Variants in M1AP observed in about 807,000 individuals in gnomAD.
The protein encoded by M1AP is meiosis 1 associated protein.
A neutral mutation model predicts 51.2 loss-of-function variants in M1AP; 39 were observed. The ratio of observed to expected loss-of-function variants is 0.76; its 90% CI spans 0.59 to 1.00. The LOEUF (loss-of-function observed/expected upper bound fraction) is 1.00. Ranked by LOEUF, M1AP falls within the 50% of genes least tolerant of loss-of-function variation. The pLI is 0.00. For missense variants in M1AP, 545 were observed against 641.2 expected, an observed-to-expected ratio of 0.85 and a Z score of 1.62; for synonymous variants, 251 against 249.2, an observed-to-expected ratio of 1.01 and a Z score of -0.07.
At position 74,583,626 on chromosome 2, in the gene M1AP, T is replaced by C. The variant is rs1347186743; in HGVS notation, c.596-1779A>G. On this transcript the variant is annotated intron_variant, in intron 4 of 10. Coordinates refer to ENST00000421985, the MANE Select transcript of M1AP (RefSeq NM_001321739.2). ...TCATCAGGAGGGATCTCTGAAATACTTTTACAAAGGGCCTAAGAAAAGCCA... is the reference window on the plus strand; with the variant it reads ...TCATCAGGAGGGATCTCTGAAATACCTTTACAAAGGGCCTAAGAAAAGCCA... Among the ~76,000 whole-genome samples the C allele has an allele frequency of 5.9e-5, 9 of 152,308 alleles. No individual in the cohort carries two copies. In the South Asian group the frequency reaches 1.9e-3, roughly 32 times the overall value.
intron 4 of M1AP, among the ~76,000 whole-genome samples, chr2:74,582,996 G>A (rs1463808166): frequency 1.3e-5 from 2 of 151,872 alleles, no homozygotes; most frequent in Non-Finnish European, 2.9e-5. Context: ...ATTCCAGCCT[G>A]GGCAACTCCA....
rs1681591445 is a variant in M1AP at position 74,615,143 on chromosome 2, T to C, written c.247A>G (p.Lys83Glu). The C allele has an allele frequency of 6.2e-7, 1 of 1,614,038 alleles. No individual in the cohort carries two copies. ...HECILPFVQV[K>E]GNFARLQTCI... ...GTCTGCAACCTAGCAAAGTTCCCTT[T>C]CACTTGCTGCAGAGAAAAACGAATC... Residue 83 changes from lysine (K) to glutamate (E), a missense_variant, in exon 3 of 11, where the codon AAA becomes GAA. Coordinates refer to ENST00000421985, the MANE Select transcript of M1AP (RefSeq NM_001321739.2).
intron 4 of M1AP, among the ~76,000 whole-genome samples, chr2:74,583,290 T>C (rs1261886662): frequency 1.3e-5 from 2 of 152,242 alleles, no homozygotes; most frequent in East Asian, 3.9e-4. Flanking sequence ...CCCCTTATAG[T>C]AGAGAACCAA....
chr2:74,579,322 C>T (rs1558657045), intron 5 of M1AP, among the ~76,000 whole-genome samples: 1 of 152,126 alleles, frequency 6.6e-6, no homozygotes, highest in Non-Finnish European at 1.5e-5. Flanking sequence ...ATCTCTAGCC[C>T]CTTTGTTCAG....
chr2:74,581,856 G>C lies in M1AP; in HGVS notation c.596-9C>G. On this transcript the variant is annotated splice_polypyrimidine_tract_variant and intron_variant, in intron 4 of 10. Transcript: ENST00000421985. ...TCCCAGAATAGAACTCTCTGCAAAAGAAAGGGAAATAAAGTGTTCACTTAG... is the reference window on the plus strand; with the variant it reads ...TCCCAGAATAGAACTCTCTGCAAAACAAAGGGAAATAAAGTGTTCACTTAG... 12 of 1,605,968 alleles carry C rather than the reference G, an allele frequency of 7.5e-6. No homozygotes were observed. Among genetic ancestry groups the C allele is most frequent in the Non-Finnish European group, 1.0e-5 (12 of 1,174,460 alleles).
chr2:74,638,455 G>C (rs1683108417), intron 2 of M1AP, among the ~76,000 whole-genome samples: 1 of 152,138 alleles, frequency 6.6e-6, no homozygotes, highest in Non-Finnish European at 1.5e-5. Flanking sequence ...TCAGCTTGCT[G>C]TTATTCTATC....
intron 4 of M1AP, among the ~76,000 whole-genome samples, chr2:74,596,869 G>T (rs1325922982): frequency 2.0e-5 from 3 of 152,142 alleles, no homozygotes; most frequent in South Asian, 2.1e-4. Context: ...AACACAAAAG[G>T]TGTGTGTACT....
chr2:74,565,825 T>TCACACACACACACA (rs72206117), intron 7 of M1AP, among the ~76,000 whole-genome samples: 37 of 138,094 alleles, frequency 2.7e-4, no homozygotes, highest in East Asian at 1.8e-3. Flanking sequence ...TGAGATGCCG[T>TCACACACACACACA]CACACACACA....
In M1AP at chr2:74,647,408, T is replaced by C. The variant is rs1466143798; in HGVS notation, c.-53+857A>G. ...ATAAACGATTCAATGGTTCTCCCTCTGGCAGGGCCCTATTAAAGATTTCGT... is the reference window on the plus strand; with the variant it reads ...ATAAACGATTCAATGGTTCTCCCTCCGGCAGGGCCCTATTAAAGATTTCGT... On this transcript the variant is annotated intron_variant, in intron 1 of 10. Transcript: ENST00000421985. 16 of 985,248 alleles carry C rather than the reference T, an allele frequency of 1.6e-5. No homozygotes were observed. In the South Asian group the frequency reaches 5.2e-4, roughly 32 times the overall value. The allele number at this position is 985,248 out of a possible 1,614,324, so 61.0% of individuals were successfully genotyped here.
intron 1 of M1AP, among the ~76,000 whole-genome samples, chr2:74,643,405 C>T (rs1417946655): frequency 6.6e-6 from 1 of 152,024 alleles, no homozygotes; most frequent in Non-Finnish European, 1.5e-5. Flanking sequence ...ATGATTTCAT[C>T]TACATTTTAA....
At chr2:74,643,590 C>CTTTT (rs1161305967) in intron 1 of M1AP, among the ~76,000 whole-genome samples, 1 of 130,094 alleles carries the variant, frequency 7.7e-6, no homozygotes, top group African/African-American at 2.8e-5. Flanking sequence ...TGGTAATGTT[C>CTTTT]TTTTTTTTTT....
At chr2:74,620,100 A>C (rs1681915731) in intron 2 of M1AP, among the ~76,000 whole-genome samples, 1 of 152,176 alleles carries the variant, frequency 6.6e-6, no homozygotes, top group Non-Finnish European at 1.5e-5. Flanking sequence ...TTCCTTGTTC[A>C]GTTAAGTTTC....
chr2:74,587,286 C>T (rs1679770219), intron 4 of M1AP, among the ~76,000 whole-genome samples: 1 of 151,920 alleles, frequency 6.6e-6, no homozygotes, highest in South Asian at 2.1e-4. Context: ...GCAAGCTCCA[C>T]CTCCCGGGTT....
intron 4 of M1AP, among the ~76,000 whole-genome samples, chr2:74,584,805 C>CATATATATATAT (rs57709358): frequency 1.8e-4 from 25 of 139,290 alleles, no homozygotes; most frequent in African/African-American, 6.1e-4. Context: ...ATGTTATTGC[C>CATATATATATAT]ATATATATAT....
chr2:74,588,560 A>G (rs894485907), intron 4 of M1AP, among the ~76,000 whole-genome samples: 1 of 152,240 alleles, frequency 6.6e-6, no homozygotes, highest in Non-Finnish European at 1.5e-5. Context: ...ACGGTGAGGC[A>G]GTCAAGCTTG....
intron 6 of M1AP, among the ~76,000 whole-genome samples, chr2:74,576,137 C>T (rs1679052714): frequency 6.6e-6 from 1 of 152,224 alleles, no homozygotes; most frequent in Non-Finnish European, 1.5e-5. Flanking sequence ...GGATCTCTGT[C>T]TTGATGCCTA....
intron 1 of M1AP, 21 bp downstream of exon 1, chr2:74,648,244 C>G (rs1159375529): frequency 1.0e-6 from 1 of 981,248 alleles, no homozygotes; most frequent in African/African-American, 1.7e-5. Flanking sequence ...CCCTCCCTCC[C>G]CGAGGCGTGG....
chr2:74,599,516 C>T (rs1680548854), intron 4 of M1AP, among the ~76,000 whole-genome samples: 1 of 152,040 alleles, frequency 6.6e-6, no homozygotes, highest in Admixed American at 6.6e-5. Context: ...TAAATCCACC[C>T]TTTTCACACT....
intron 4 of M1AP, among the ~76,000 whole-genome samples, chr2:74,591,072 T>A (rs1480380180): frequency 6.6e-6 from 1 of 152,192 alleles, no homozygotes; most frequent in Non-Finnish European, 1.5e-5. Flanking sequence ...TAATGACACT[T>A]GACTCCTGAA....
Sources: allele counts gnomAD v4.1 joint callset (sites outside exome capture counted in the v4.1 genomes callset), GRCh38; gene constraint gnomAD v4.1.1; transcripts MANE v1.5; gene names NCBI Gene and HGNC (gene_info 2026-07-23, HGNC 2026-07-21).